RSPO2: variants seen among roughly 807,000 people sequenced by gnomAD.
RSPO2 encodes the protein R-spondin 2.
A neutral mutation model predicts 30.9 loss-of-function variants in RSPO2; 14 were observed. The observed-to-expected ratio is 0.45, with a 90% confidence interval of 0.30 to 0.71. The LOEUF (loss-of-function observed/expected upper bound fraction) is 0.71, where lower values mean the gene tolerates loss of function less well. Ranked by LOEUF, RSPO2 falls within the 30% of genes least tolerant of loss-of-function variation. The pLI, the probability that RSPO2 is intolerant of heterozygous loss-of-function variation, is 0.08. For synonymous variants in RSPO2, 107 were observed against 96.4 expected (o/e 1.11, Z -0.64); for missense variants, 264 against 301.9 (o/e 0.87, Z 0.93).
intron 2 of RSPO2, among the ~76,000 whole-genome samples, chr8:108,074,163 G>A (rs1457005688): frequency 1.3e-5 from 2 of 152,098 alleles, no homozygotes; most frequent in African/African-American, 2.4e-5. Flanking sequence ...TGCTAAACTG[G>A]GTAACTTCTA....
At chr8:107,939,754 A>G (rs1812835680) in intron 5 of RSPO2, among the ~76,000 whole-genome samples, 1 of 152,120 alleles carries the variant, frequency 6.6e-6, no homozygotes, top group East Asian at 1.9e-4. Context: ...GAAAAAAAAC[A>G]TCTAGAATCT....
At position 108,062,765 on chromosome 8, in the gene RSPO2, TG is replaced by T. The variant is rs1260734284; in HGVS notation, c.94+19779del. On this transcript the variant is annotated intron_variant, in intron 2 of 5. Transcript: ENST00000276659. ...TTAGACCAATATCCCTAATGAACAT[TG>T]ATGCAAAAATCCTCAATAAAATACT... Among the ~76,000 whole-genome samples, 35 of 151,858 alleles carry T rather than the reference TG, an allele frequency of 2.3e-4. No individual in the cohort carries two copies. The East Asian group carries it at 3.3e-3, about 14-fold the overall frequency.
intron 2 of RSPO2, among the ~76,000 whole-genome samples, chr8:108,017,495 A>G (rs899993025): frequency 1.3e-5 from 2 of 152,214 alleles, no homozygotes; most frequent in Non-Finnish European, 2.9e-5. Flanking sequence ...CTTCTCTTCC[A>G]TAGCAGCAAT....
chr8:108,039,891 G>A (rs1389346719), intron 2 of RSPO2, among the ~76,000 whole-genome samples: 3 of 152,134 alleles, frequency 2.0e-5, no homozygotes, highest in African/African-American at 7.2e-5. Flanking sequence ...TAGAAGAAGA[G>A]GCCAGAGAGT....
chr8:107,945,279 C>T (rs757885738), intron 5 of RSPO2, among the ~76,000 whole-genome samples: 3 of 116,994 alleles, frequency 2.6e-5, no homozygotes, highest in African/African-American at 6.6e-5. Flanking sequence ...GACAGAGTCT[C>T]ACTCTGTCAC....
chr8:108,065,289 GAA>G (rs533689799), intron 2 of RSPO2, among the ~76,000 whole-genome samples: 14 of 78,232 alleles, frequency 1.8e-4, no homozygotes, highest in Admixed American at 3.0e-4. Flanking sequence ...CTCAGAAATT[GAA>G]AAAAAAAAAA....
chr8:107,915,596 TTG>T (rs149737793), intron 5 of RSPO2, among the ~76,000 whole-genome samples: 31 of 150,898 alleles, frequency 2.1e-4, no homozygotes, highest in African/African-American at 6.8e-4. Flanking sequence ...CTTCTCGTCT[TTG>T]TGTGTGTGTG....
At chr8:107,927,666 T>C (rs1812425634) in intron 5 of RSPO2, among the ~76,000 whole-genome samples, 1 of 152,218 alleles carries the variant, frequency 6.6e-6, no homozygotes, top group South Asian at 2.1e-4. Context: ...ATGTGGTTTT[T>C]GTCTTTGGTT....
rs756359748 is a variant in RSPO2 at position 107,960,740 on chromosome 8, T to C, written c.361A>G (p.Arg121Gly). The C allele has an allele frequency of 2.0e-4, 321 of 1,613,342 alleles. No homozygotes were observed. The highest frequency in any genetic ancestry group is 2.6e-4 in the Non-Finnish European group (306 of 1,179,610). ...TKCKVGFYLH[R>G]GRCFDECPDG... is the part of the protein sequence containing the mutation. ...GGACATTCATCAAAGCAACGGCCTC[T>C]ATGCAAATAAAAGCCTACTTTGCAC... Residue 121 changes from arginine (R) to glycine (G), a missense_variant, in exon 4 of 6, where the codon AGA (arginine) becomes GGA (glycine). Coordinates refer to ENST00000276659, the MANE Select transcript of RSPO2 (RefSeq NM_178565.5).
intron 5 of RSPO2, among the ~76,000 whole-genome samples, chr8:107,943,750 T>C (rs879081663): frequency 6.6e-6 from 1 of 152,212 alleles, no homozygotes; most frequent in African/African-American, 2.4e-5. Flanking sequence ...AGATCTGAAA[T>C]GCAACAGACA....
chr8:108,045,336 C>A (rs1206228498), intron 2 of RSPO2, among the ~76,000 whole-genome samples: 2 of 152,110 alleles, frequency 1.3e-5, no homozygotes, highest in African/African-American at 4.8e-5. Flanking sequence ...TATCACTCAT[C>A]ATCAGAGAAA....
chr8:107,949,138 A>G (rs944169640), intron 5 of RSPO2, among the ~76,000 whole-genome samples: 7 of 152,048 alleles, frequency 4.6e-5, no homozygotes, highest in Non-Finnish European at 7.4e-5. Flanking sequence ...ACTGTACTCA[A>G]TGTGTAGTCT....
chr8:107,903,363 T>G (rs1811539055), intron 5 of RSPO2, among the ~76,000 whole-genome samples: 1 of 152,120 alleles, frequency 6.6e-6, no homozygotes, highest in African/African-American at 2.4e-5. Context: ...AAGCTTCGTG[T>G]AAATTATGTA....
chr8:108,051,809 T>A (rs182558626), intron 2 of RSPO2, among the ~76,000 whole-genome samples: 3 of 152,328 alleles, frequency 2.0e-5, no homozygotes, highest in African/African-American at 4.8e-5. Context: ...GTCTCTGAAG[T>A]CTGCACTTTC....
At chr8:107,950,878 ATGTT>A (rs1813219804) in intron 5 of RSPO2, among the ~76,000 whole-genome samples, 1 of 150,720 alleles carries the variant, frequency 6.6e-6, no homozygotes, top group South Asian at 2.1e-4. Flanking sequence ...TTTCACTAAA[ATGTT>A]TGTCTTCTGA....
At chr8:107,996,880 T>C (rs186467685) in intron 2 of RSPO2, 26 of 452,854 alleles carry the variant, frequency 5.7e-5, no homozygotes, top group African/African-American at 5.2e-4. Context: ...TCAACAGACT[T>C]AAACAATGAA....
At chr8:108,041,895 T>C (rs1028242913) in intron 2 of RSPO2, among the ~76,000 whole-genome samples, 13 of 152,030 alleles carry the variant, frequency 8.6e-5, no homozygotes, top group African/African-American at 3.1e-4. Context: ...ATAATAAAGA[T>C]GGCAGCCTGG....
At chr8:107,967,152 C>T (rs889458504) in intron 3 of RSPO2, among the ~76,000 whole-genome samples, 4 of 152,282 alleles carry the variant, frequency 2.6e-5, no homozygotes, top group African/African-American at 4.8e-5. Context: ...TTTCTCTGCC[C>T]ACTGCGTGCT....
intron 2 of RSPO2, among the ~76,000 whole-genome samples, chr8:108,050,919 T>G (rs897392609): frequency 6.6e-6 from 1 of 152,142 alleles, no homozygotes; most frequent in African/African-American, 2.4e-5. Context: ...TTTTTTTAAT[T>G]GACTTGAACC....
Sources: gnomAD v4.1 joint callset for allele counts (sites outside exome capture counted in the v4.1 genomes callset) on GRCh38, gnomAD v4.1.1 for gene constraint, MANE v1.5 for transcripts, NCBI Gene and HGNC (gene_info 2026-07-23, HGNC 2026-07-21) for gene names.